Variants in TULP4 observed in about 807,000 individuals in gnomAD.
TULP4 encodes the protein tubby-related protein 4.
TULP4 carries 16 observed loss-of-function variants against 129.0 expected under a neutral mutation model. The observed-to-expected ratio is 0.12, with a 90% CI of 0.08 to 0.19. The LOEUF (loss-of-function observed/expected upper bound fraction) is 0.19, where lower values mean the gene tolerates loss of function less well. TULP4 is among the 10% of genes least tolerant of loss of function. TULP4 has a pLI of 1.00. For missense variants in TULP4, 1,842 were observed against 2,059.1 expected (o/e 0.89, Z 2.04); for synonymous variants, 998 against 854.0 (o/e 1.17, Z -2.94).
intron 1 of TULP4, among the ~76,000 whole-genome samples, chr6:158,349,066 C>CCGGG (rs1780405784): frequency 2.2e-4 from 14 of 63,516 alleles, no homozygotes; most frequent in East Asian, 4.2e-4. Flanking sequence ...GACGGGGCGG[C>CCGGG]CAGGCAGAGG....
In TULP4 at chr6:158,391,966, T is replaced by C. The variant is rs1053139674; in HGVS notation, c.253-21099T>C. Among the ~76,000 whole-genome samples the C allele has an allele frequency of 5.3e-5, 8 of 152,204 alleles. No homozygotes were observed. The East Asian group carries it at 1.5e-3, about 29-fold the overall frequency. ...ACTTAGTAAATAATGTTAAATGTTA[T>C]GAAGTATATTAGTCCATTTTCACGC... On this transcript the variant is annotated intron_variant, in intron 1 of 13. Transcript: ENST00000367097.
At chr6:158,360,737 T>A (rs1780766723) in intron 1 of TULP4, among the ~76,000 whole-genome samples, 1 of 152,196 alleles carries the variant, frequency 6.6e-6, no homozygotes, top group African/African-American at 2.4e-5. Context: ...GAATAGGCTG[T>A]ATGCAAGTAA....
intron 1 of TULP4, among the ~76,000 whole-genome samples, chr6:158,398,354 C>A (rs1777765141): frequency 6.6e-6 from 1 of 152,226 alleles, no homozygotes; most frequent in Admixed American, 6.5e-5. Context: ...AAGCTACCAA[C>A]CAGAGCAAGC....
At chr6:158,233,875 T>C (rs1238614440) in intron 1 of TULP4, among the ~76,000 whole-genome samples, 1 of 152,232 alleles carries the variant, frequency 6.6e-6, no homozygotes, top group African/African-American at 2.4e-5. Context: ...TTTTAAGAGC[T>C]CTATATTAGG....
At chr6:158,448,888 T>G in intron 3 of TULP4, 108 bp from the exon 4 acceptor site, 2 of 1,179,518 alleles carry the variant, frequency 1.7e-6, no homozygotes, top group Non-Finnish European at 2.3e-6. Flanking sequence ...ACTAGCTATT[T>G]TTAGTTCTAA....
chr6:158,498,028 A>G (rs980198678), intron 11 of TULP4, among the ~76,000 whole-genome samples: 7 of 152,244 alleles, frequency 4.6e-5, no homozygotes, highest in African/African-American at 1.2e-4. Context: ...TTTAGTTGCA[A>G]TCTAGGCCTT....
rs377084462 is a variant in TULP4 at position 158,479,752 on chromosome 6, G to A, written c.1028G>A (p.Arg343His). 6.5e-5 allele frequency: 105 copies of A among 1,612,134 alleles called. No homozygotes were observed. The highest frequency in any genetic ancestry group is 8.6e-5 in the Non-Finnish European group (101 of 1,178,684). The change falls in exon 7 of 14, where the codon CGC becomes CAC. Residue 343 changes from arginine (R) to histidine (H), a missense_variant and splice_region_variant. Physicochemically the swap from Arg to His is conservative, Grantham distance 29. Transcript: ENST00000367097. Reference sequence around the variant, plus strand: ...TGTCTTCCCTTCACTTCCTGCCAGCGCCCCATCATCTCCATCTGCTGGGGT... The same window carrying A: ...TGTCTTCCCTTCACTTCCTGCCAGCACCCCATCATCTCCATCTGCTGGGGT... ...HIFTLDTLVQ[R>H]PIISICWGHR...
intron 1 of TULP4, among the ~76,000 whole-genome samples, chr6:158,403,722 G>A: frequency 6.6e-6 from 1 of 152,176 alleles, no homozygotes; most frequent in Non-Finnish European, 1.5e-5. Flanking sequence ...TGCTTAACTA[G>A]TATTTTAATT....
chr6:158,271,962 G>C (rs575448867), intron 1 of TULP4, among the ~76,000 whole-genome samples: 1 of 152,294 alleles, frequency 6.6e-6, no homozygotes, highest in Non-Finnish European at 1.5e-5. Context: ...GCAGTGGAGG[G>C]TTTAAAAGTA....
intron 1 of TULP4, among the ~76,000 whole-genome samples, chr6:158,296,293 C>G (rs946656677): frequency 6.6e-6 from 1 of 152,132 alleles, no homozygotes; most frequent in African/African-American, 2.4e-5. Context: ...GAACCCGCCC[C>G]CAATATTTCA....
Position 158,360,350 on chromosome 6 carries a change from G to A in TULP4, c.252+46082G>A, listed in dbSNP as rs558150622. On this transcript the variant is annotated intron_variant, in intron 1 of 13. Transcript: ENST00000367097. ...CAGGGCCTCAAATGGAAATGGTCGG[G>A]AACTGATAGACCCTTAACTCATCTT... Among the ~76,000 whole-genome samples the A allele has an allele frequency of 1.9e-3, 287 of 152,206 alleles. 3 individuals carry two copies. Among genetic ancestry groups the A allele is most frequent in the Middle Eastern group, 0.014 (4 of 294 alleles).
rs142500811 is a variant in TULP4 at position 158,429,750 on chromosome 6, G to A, written c.396G>A (p.Thr132=). The A allele has an allele frequency of 1.2e-5, 19 of 1,611,696 alleles. No homozygotes were observed. Among genetic ancestry groups the A allele is most frequent in the African/African-American group, 6.7e-5 (5 of 74,928 alleles). The change falls in exon 3 of 14, where the codon ACG becomes ACA. Residue 132 remains threonine, a synonymous_variant. Coordinates refer to ENST00000367097, the MANE Select transcript of TULP4 (RefSeq NM_020245.5). ...NDRGAQVSDF[T]WSHDGTQALI... is the part of the protein sequence containing the mutation. ...GTGTCCCCAAGGTGAGTGATTTCAC[G>A]TGGAGCCATGATGGAACTCAAGCAC... is the stretch of plus-strand genomic sequence containing the variant.
At chr6:158,268,214 T>A (rs571768190) in intron 1 of TULP4, among the ~76,000 whole-genome samples, 1 of 151,850 alleles carries the variant, frequency 6.6e-6, no homozygotes, top group Non-Finnish European at 1.5e-5. Flanking sequence ...TTTTTTTGTA[T>A]TTTTAGTGGA....
chr6:158,364,080 A>T (rs1258643013), intron 1 of TULP4, among the ~76,000 whole-genome samples: 1 of 152,234 alleles, frequency 6.6e-6, no homozygotes, highest in Non-Finnish European at 1.5e-5. Context: ...AGAAAGGTAC[A>T]GTCAATAAAA....
Position 158,313,758 on chromosome 6 carries a change from A to C in TULP4, c.-259A>C. 1 of 522,014 alleles carries C rather than the reference A, an allele frequency of 1.9e-6. No homozygotes were observed. Among genetic ancestry groups the C allele is most frequent in the Non-Finnish European group, 3.3e-6 (1 of 299,146 alleles). The allele number at this position is 522,014 out of a possible 1,614,324, so 32.3% of individuals were successfully genotyped here. A position where few individuals can be genotyped will look rare whatever the true frequency, so the allele number is the denominator to read the frequency against. On this transcript the variant is annotated 5_prime_UTR_variant, in exon 1 of 14. Transcript: ENST00000367097. The stretch of plus-strand genomic sequence containing the variant: ...TCTTCCTCTGAGAACTTGAAAATAC[A>C]AATGGACCCCATGTTTTTTTAAGCA...
chr6:158,393,004 A>G (rs1289583773), intron 1 of TULP4, among the ~76,000 whole-genome samples: 2 of 103,260 alleles, frequency 1.9e-5, no homozygotes, highest in Non-Finnish European at 4.3e-5. Context: ...AAAAAAAATC[A>G]ACAACAAGTG....
intron 1 of TULP4, among the ~76,000 whole-genome samples, chr6:158,357,689 C>G (rs1780680176): frequency 6.6e-6 from 1 of 152,208 alleles, no homozygotes; most frequent in South Asian, 2.1e-4. Context: ...CTGGCCTTCC[C>G]TGAGGGATTG....
At position 158,503,726 on chromosome 6, in the gene TULP4, G is replaced by C; in HGVS notation, c.4063G>C (p.Glu1355Gln). 1 of 1,614,098 alleles carries C rather than the reference G, an allele frequency of 6.2e-7. No individual in the cohort carries two copies. Among genetic ancestry groups the C allele is most frequent in the Non-Finnish European group, 8.5e-7 (1 of 1,180,036 alleles). ...AEEGSVQAIT[E>Q]GKVKKEARTL... ...AGAAGGCAGCGTTCAGGCCATCACTGAGGGCAAAGTGAAGAAGGAGGCTAG... is the reference window on the plus strand; with the variant it reads ...AGAAGGCAGCGTTCAGGCCATCACTCAGGGCAAAGTGAAGAAGGAGGCTAG... The change falls in exon 13 of 14, where the codon GAG (glutamate) becomes CAG (glutamine). Residue 1355 changes from glutamate (E) to glutamine (Q), a missense_variant. Glu to Gln is a conservative substitution (Grantham distance 29). Coordinates refer to ENST00000367097, the MANE Select transcript of TULP4 (RefSeq NM_020245.5). The surrounding 1 kb of genome is among the most constrained non-coding windows in gnomAD (Gnocchi z 4.3).
chr6:158,396,994 C>G (rs1025972084), intron 1 of TULP4, among the ~76,000 whole-genome samples: 1 of 152,070 alleles, frequency 6.6e-6, no homozygotes, highest in East Asian at 1.9e-4. Context: ...ATAGCTGATG[C>G]AGTTATGGAA....
Sources: allele counts gnomAD v4.1 joint callset (sites outside exome capture counted in the v4.1 genomes callset), GRCh38; gene constraint gnomAD v4.1.1; non-coding constraint Gnocchi (gnomAD v3.1); transcripts MANE v1.5; gene names NCBI Gene and HGNC (gene_info 2026-07-23, HGNC 2026-07-21).